Variants in LYAR observed in about 807,000 individuals in gnomAD.
LYAR encodes cell growth-regulating nucleolar protein.
Under a neutral mutation model 45.2 loss-of-function variants are expected in LYAR, and 37 were observed. The ratio of observed to expected loss-of-function variants is 0.82; its 90% CI spans 0.63 to 1.08. LYAR has a LOEUF of 1.08. LYAR is among the 50% of genes least tolerant of loss of function. LYAR has a pLI of 0.00. For synonymous variants in LYAR, 176 were observed against 155.1 expected (o/e 1.14, Z -1.00); for missense variants, 493 against 451.0 (o/e 1.09, Z -0.84).
chr4:4,284,736 C>T (rs1719539503), intron 2 of LYAR, among the ~76,000 whole-genome samples: 1 of 152,202 alleles, frequency 6.6e-6, no homozygotes, highest in Non-Finnish European at 1.5e-5. Context: ...AATTTTTAAT[C>T]ACTAGATTTT....
At chr4:4,283,165 C>T (rs756541363) in intron 3 of LYAR, among the ~76,000 whole-genome samples, 2 of 152,182 alleles carry the variant, frequency 1.3e-5, no homozygotes, top group African/African-American at 2.4e-5. Flanking sequence ...TTCTCCCCCC[C>T]AAGAAGGGGT....
intron 6 of LYAR, among the ~76,000 whole-genome samples, chr4:4,278,736 AT>A (rs1199811657): frequency 3.3e-5 from 5 of 151,980 alleles, no homozygotes; most frequent in Admixed American, 6.6e-5. Flanking sequence ...TACTATCCAC[AT>A]TTTTTTTAGA....
chr4:4,279,355 G>A, intron 6 of LYAR, 92 bp downstream of exon 6: 1 of 858,402 alleles, frequency 1.2e-6, no homozygotes, highest in Non-Finnish European at 1.9e-6. Flanking sequence ...TAAAAAAGAA[G>A]GCTGCCTTGA....
At chr4:4,283,943 T>C in intron 2 of LYAR, 148 bp from the exon 3 acceptor site, 1 of 529,878 alleles carries the variant, frequency 1.9e-6, no homozygotes, top group Admixed American at 3.3e-5. Context: ...ACCATTCATA[T>C]AAGTAAAACT....
intron 2 of LYAR, among the ~76,000 whole-genome samples, chr4:4,286,219 C>A (rs1216476593): frequency 6.6e-6 from 1 of 152,158 alleles, no homozygotes; most frequent in South Asian, 2.1e-4. Context: ...TTATTCAGAG[C>A]CTGGAGGACA....
intron 1 of LYAR, 21 bp from the exon 2 acceptor site, chr4:4,286,593 G>A (rs561502022): frequency 3.3e-5 from 5 of 151,138 alleles, no homozygotes; most frequent in Admixed American, 1.3e-4. Context: ...AAAGTAAAAC[G>A]GTATTGTTCA....
intron 3 of LYAR, 148 bp from the exon 4 acceptor site, chr4:4,282,045 G>T: frequency 1.7e-6 from 1 of 591,660 alleles, no homozygotes; most frequent in African/African-American, 1.8e-5. Flanking sequence ...CACTTATTAT[G>T]TTTACAGCCT....
chr4:4,289,188 C>T (rs1426931224), intron 1 of LYAR, among the ~76,000 whole-genome samples: 3 of 152,156 alleles, frequency 2.0e-5, no homozygotes, highest in Non-Finnish European at 2.9e-5. Flanking sequence ...AGTAGGTGCA[C>T]CTATCTCCAC....
intron 2 of LYAR, among the ~76,000 whole-genome samples, chr4:4,285,197 C>G (rs1462642200): frequency 6.6e-6 from 1 of 152,152 alleles, no homozygotes; most frequent in Non-Finnish European, 1.5e-5. Context: ...TCCCAGGCCC[C>G]GCTCCTCAGC....
intron 2 of LYAR, among the ~76,000 whole-genome samples, chr4:4,285,439 C>T (rs185831285): frequency 1.9e-3 from 286 of 152,288 alleles, no homozygotes; most frequent in African/African-American, 6.8e-3. Context: ...GAGGGATGAT[C>T]AACATGTCAG....
At position 4,271,053 on chromosome 4, in the gene LYAR, A is replaced by C. The variant is rs1035515938; in HGVS notation, c.920-2438T>G. 2.0e-5 allele frequency among the ~76,000 whole-genome samples: 3 copies of C among 152,222 alleles called. 1 individual carries two copies. Among genetic ancestry groups the C allele is most frequent in the Admixed American group, 6.5e-5 (1 of 15,284 alleles). ...ATACTCTAGTTATTTTAAAATGTAC[A>C]ATTAAATTATTATTGACTACAGCCA... On this transcript the variant is annotated intron_variant, in intron 8 of 9. Coordinates refer to ENST00000343470, the MANE Select transcript of LYAR (RefSeq NM_017816.3).
chr4:4,275,625 G>A lies in LYAR; in HGVS notation c.430-856C>T, dbSNP rs1719147053. Among the ~76,000 whole-genome samples, 5 of 152,076 alleles carry A rather than the reference G, an allele frequency of 3.3e-5. No individual in the cohort carries two copies. The South Asian group carries it at 1.0e-3, about 32-fold the overall frequency. On this transcript the variant is annotated intron_variant, in intron 6 of 9. Transcript: ENST00000343470. The stretch of plus-strand genomic sequence containing the variant: ...AAAACCGGAAAATTGTTTATTTTCT[G>A]TAGAGACGGGGTCACCATTCTTTAC...
intron 7 of LYAR, among the ~76,000 whole-genome samples, 186 bp from the exon 8 acceptor site, chr4:4,273,855 AAGG>A (rs1477387458): frequency 6.6e-6 from 1 of 152,206 alleles, no homozygotes. Flanking sequence ...GATGGGATGA[AAGG>A]AGTTGAGAAG....
intron 4 of LYAR, among the ~76,000 whole-genome samples, chr4:4,281,160 T>C (rs1719376426): frequency 6.6e-6 from 1 of 152,220 alleles, no homozygotes; most frequent in Non-Finnish European, 1.5e-5. Flanking sequence ...AAAGCTCCAT[T>C]ATCACTAGAA....
In LYAR at chr4:4,283,795, C is replaced by A; in HGVS notation, c.-53G>T. The A allele has an allele frequency of 7.0e-7, 1 of 1,426,980 alleles. No individual in the cohort carries two copies. Among genetic ancestry groups the A allele is most frequent in the South Asian group, 1.4e-5 (1 of 72,338 alleles). 88.4% of individuals were successfully genotyped at this position (1,426,980 alleles called of 1,614,324 possible). ...ATCCAAGACAGGTTTTAAGTCTTGT[C>A]CTAAGGAAAAAAAGACAATTATAAT... On this transcript the variant is annotated splice_region_variant and 5_prime_UTR_variant, in exon 3 of 10. An upstream open reading frame in the 5' UTR loses its in-frame stop. Transcript: ENST00000343470.
rs760677714 is a variant in LYAR at position 4,274,739 on chromosome 4, G to C, written c.460C>G (p.Pro154Ala). Reference sequence around the variant, plus strand: ...TGTGGATTTGCCACTGGGTGGAGTGGCCGTTGATCCTGTTCCTTATTGACT... The same window carrying C: ...TGTGGATTTGCCACTGGGTGGAGTGCCCGTTGATCCTGTTCCTTATTGACT... The part of the protein sequence containing the change: ...EPVNKEQDQR[P>A]LHPVANPHAE... The change falls in exon 7 of 10, where the codon CCA (proline) becomes GCA (alanine). Residue 154 changes from proline (P) to alanine (A), a missense_variant. Pro to Ala is a conservative substitution (Grantham distance 27). Coordinates refer to ENST00000343470, the MANE Select transcript of LYAR (RefSeq NM_017816.3). 3 of 1,610,256 alleles carry C rather than the reference G, an allele frequency of 1.9e-6. No homozygotes were observed. The Admixed American group carries it at 5.1e-5, about 27-fold the overall frequency.
At position 4,267,723 on chromosome 4, in the gene LYAR, T is replaced by C. The variant is rs80221956; in HGVS notation, c.*166A>G. The C allele has an allele frequency of 9.9e-3, 4,895 of 496,252 alleles. 41 individuals are homozygous for C. The highest frequency in any genetic ancestry group is 0.013 in the Non-Finnish European group (3,914 of 297,824). 30.7% of individuals were successfully genotyped at this position (496,252 alleles called of 1,614,324 possible). ...AAATTTAGAAGTTTGGACCAGAATA[T>C]ATTTTATTTTTCTCATAAAAGTTAT... On this transcript the variant is annotated 3_prime_UTR_variant, in exon 10 of 10. Coordinates refer to ENST00000343470, the MANE Select transcript of LYAR (RefSeq NM_017816.3).
chr4:4,268,456 A>C, intron 9 of LYAR, 74 bp downstream of exon 9: 1 of 1,051,350 alleles, frequency 9.5e-7, no homozygotes, highest in East Asian at 2.4e-5. Context: ...AAAAAAGAAA[A>C]AAACAAACAA....
intron 1 of LYAR, among the ~76,000 whole-genome samples, chr4:4,287,368 G>A (rs1346143053): frequency 1.3e-5 from 2 of 152,168 alleles, no homozygotes; most frequent in Admixed American, 6.5e-5. Context: ...TATCCACCCA[G>A]ATACACCTGG....
Sources: allele counts gnomAD v4.1 joint callset (sites outside exome capture counted in the v4.1 genomes callset), GRCh38; gene constraint gnomAD v4.1.1; transcripts MANE v1.5; gene names NCBI Gene and HGNC (gene_info 2026-07-23, HGNC 2026-07-21).